Variants in TRPM8 observed in about 807,000 individuals in gnomAD.
The protein encoded by TRPM8 is transient receptor potential cation channel subfamily M member 8.
In TRPM8, 110 loss-of-function variants were observed where a neutral mutation model predicts 133.7. The observed-to-expected ratio is 0.82, with a 90% CI of 0.70 to 0.96. The LOEUF is 0.96. TRPM8 is among the 40% of genes least tolerant of loss of function. The probability of loss-of-function intolerance (pLI) is 0.00; values close to 1 mark genes in which losing one functional copy is unlikely to be tolerated. For missense variants in TRPM8, 1,291 were observed against 1,379.5 expected (o/e 0.94, Z 1.02); for synonymous variants, 535 against 532.3 (o/e 1.01, Z -0.07).
At chr2:233,981,624 T>C in intron 18 of TRPM8, 150 bp from the exon 19 acceptor site, 1 of 653,234 alleles carries the variant, frequency 1.5e-6, no homozygotes, top group Non-Finnish European at 2.5e-6. Context: ...CGGAAGATCA[T>C]GGCCTCTGCT....
intron 5 of TRPM8, among the ~76,000 whole-genome samples, chr2:233,941,960 ACATT>A (rs1690914327): frequency 6.6e-6 from 1 of 152,080 alleles, no homozygotes; most frequent in Non-Finnish European, 1.5e-5. Flanking sequence ...CTCTGGTTAG[ACATT>A]CATTGTCCAT....
At chr2:233,946,316 A>G in intron 7 of TRPM8, 1 of 304,564 alleles carries the variant, frequency 3.3e-6, no homozygotes, top group Non-Finnish European at 6.1e-6. Context: ...CTTCTGGTAG[A>G]TACCATTTAA....
chr2:233,978,095 T>A (rs957612985), intron 17 of TRPM8, among the ~76,000 whole-genome samples: 2 of 151,998 alleles, frequency 1.3e-5, no homozygotes, highest in African/African-American at 2.4e-5. Flanking sequence ...TTTTTTTTTT[T>A]AGAATTTCTC....
rs1223506521 is a variant in TRPM8, at chr2:233,991,895, A to C, written c.2940-4431A>C. 3.3e-5 allele frequency among the ~76,000 whole-genome samples: 5 copies of C among 152,170 alleles called. No individual in the cohort carries two copies. The East Asian group carries it at 7.7e-4, about 23-fold the overall frequency. On this transcript the variant is annotated intron_variant, in intron 21 of 25. Transcript: ENST00000324695. The stretch of plus-strand genomic sequence containing the variant: ...ATTCTTTCTTCTTTCTCCTTCCCCC[A>C]AAAATTCTTGTGAATATTATTATGA...
intron 21 of TRPM8, among the ~76,000 whole-genome samples, chr2:233,990,500 G>A (rs1486812983): frequency 6.6e-6 from 1 of 152,148 alleles, no homozygotes; most frequent in African/African-American, 2.4e-5. Context: ...GGTTTCTTAG[G>A]TCCACATGTG....
Position 233,926,625 on chromosome 2 carries a change from C to T in TRPM8, c.88C>T (p.Arg30Trp), listed in dbSNP as rs199600946. ...STRTLYSSAS[R>W]STDLSYSESD... ...CCGGACCCTGTACTCCAGCGCGTCTCGGAGCACAGACTTGTCTTACAGTGA... is the reference window on the plus strand; with the variant it reads ...CCGGACCCTGTACTCCAGCGCGTCTTGGAGCACAGACTTGTCTTACAGTGA... Residue 30 changes from arginine to tryptophan, a missense_variant, in exon 2 of 26, where the codon CGG becomes TGG. Physicochemically the swap from Arg to Trp is moderately radical, Grantham distance 101 (BLOSUM62 -3). Transcript: ENST00000324695. 3.1e-6 allele frequency: 5 copies of T among 1,614,014 alleles called. No homozygotes were observed. The highest frequency in any genetic ancestry group is 4.2e-6 in the Non-Finnish European group (5 of 1,179,906).
At chr2:233,962,449 C>T (rs970613271) in intron 12 of TRPM8, among the ~76,000 whole-genome samples, 1 of 152,136 alleles carries the variant, frequency 6.6e-6, no homozygotes. Context: ...ATCATTTCCT[C>T]AGTTCTCCAT....
At chr2:233,939,626 T>C (rs899537068) in intron 5 of TRPM8, among the ~76,000 whole-genome samples, 1 of 152,222 alleles carries the variant, frequency 6.6e-6, no homozygotes, top group African/African-American at 2.4e-5. Flanking sequence ...TAAGCCTTTG[T>C]TACTTGAAAC....
At chr2:233,952,105 A>G (rs1052490453) in intron 9 of TRPM8, among the ~76,000 whole-genome samples, 17 of 152,212 alleles carry the variant, frequency 1.1e-4, no homozygotes, top group African/African-American at 4.1e-4. Flanking sequence ...CAATCTAGAT[A>G]TCATTCGTGT....
chr2:233,944,688 G>A (rs1234607304), intron 6 of TRPM8, among the ~76,000 whole-genome samples: 1 of 152,172 alleles, frequency 6.6e-6, no homozygotes, highest in Non-Finnish European at 1.5e-5. Flanking sequence ...AAGAATATAT[G>A]TCAATATGTC....
rs758941760 is a variant in TRPM8 at position 233,985,911 on chromosome 2, C to T, written c.2939+46C>T. 5 of 1,549,368 alleles carry T rather than the reference C, an allele frequency of 3.2e-6. No homozygotes were observed. In the South Asian group the frequency reaches 4.7e-5, roughly 15 times the overall value. ...TCACTGATGTCCACCCTGGGCCAAG[C>T]CCCATGCCAGGCTGGAGGTGCTGGG... On this transcript the variant is annotated intron_variant, in intron 21 of 25. Coordinates refer to ENST00000324695, the MANE Select transcript of TRPM8 (RefSeq NM_024080.5).
intron 17 of TRPM8, among the ~76,000 whole-genome samples, chr2:233,976,963 C>T (rs772700669): frequency 2.6e-5 from 4 of 152,044 alleles, no homozygotes; most frequent in Admixed American, 6.5e-5. Flanking sequence ...CTGGTGCTGT[C>T]TTAATTAACC....
intron 6 of TRPM8, among the ~76,000 whole-genome samples, chr2:233,943,613 G>A (rs536823295): frequency 2.8e-4 from 42 of 152,294 alleles, no homozygotes; most frequent in Non-Finnish European, 5.7e-4. Flanking sequence ...AAGGCTGTGA[G>A]ACAACCACCC....
chr2:233,988,805 T>C (rs1052836271), intron 21 of TRPM8, among the ~76,000 whole-genome samples: 55 of 152,190 alleles, frequency 3.6e-4, no homozygotes, highest in African/African-American at 1.1e-3. Context: ...CCAAATAGTG[T>C]CCAAAAGTCA....
chr2:233,922,419 T>C (rs1691430321), intron 1 of TRPM8, among the ~76,000 whole-genome samples: 1 of 152,224 alleles, frequency 6.6e-6, no homozygotes, highest in Non-Finnish European at 1.5e-5. Context: ...TTAACCAGTC[T>C]CTTTCTCTTA....
At chr2:234,010,669 C>T (rs866806210) in intron 24 of TRPM8, among the ~76,000 whole-genome samples, 4 of 152,270 alleles carry the variant, frequency 2.6e-5, no homozygotes, top group South Asian at 2.1e-4. Flanking sequence ...TGATAATAAG[C>T]GTCGTAACAG....
intron 7 of TRPM8, chr2:233,946,371 C>T (rs531338870): frequency 9.2e-5 from 18 of 194,980 alleles, no homozygotes; most frequent in East Asian, 8.6e-4. Context: ...TATGAAACAA[C>T]GCAATTAGCT....
At chr2:234,003,012 T>C (rs551489010) in intron 22 of TRPM8, among the ~76,000 whole-genome samples, 7 of 152,240 alleles carry the variant, frequency 4.6e-5, no homozygotes, top group Non-Finnish European at 1.0e-4. Context: ...TAAATTTTGC[T>C]AACCTAGACA....
chr2:233,953,465 A>G (rs961626157), intron 9 of TRPM8, among the ~76,000 whole-genome samples: 1 of 152,062 alleles, frequency 6.6e-6, no homozygotes, highest in Admixed American at 6.5e-5. Flanking sequence ...CAATATAGAA[A>G]ATTCTTTATC....
Sources: allele counts gnomAD v4.1 joint callset (sites outside exome capture counted in the v4.1 genomes callset), GRCh38; gene constraint gnomAD v4.1.1; transcripts MANE v1.5; gene names NCBI Gene and HGNC (gene_info 2026-07-23, HGNC 2026-07-21).